The following SLC1A1 variants were observed in gnomAD, a reference collection of about 807,000 sequenced individuals.
SLC1A1 encodes excitatory amino acid transporter 3.
SLC1A1 carries 43 observed loss-of-function variants against 53.3 expected under a neutral mutation model. The ratio of observed to expected loss-of-function variants is 0.81; its 90% CI spans 0.63 to 1.04. The LOEUF is 1.04. SLC1A1 is among the 50% of genes least tolerant of loss of function. SLC1A1 has a pLI of 0.00. For synonymous variants in SLC1A1, 307 were observed against 243.2 expected (o/e 1.26, Z -2.44); for missense variants, 748 against 664.9 (o/e 1.12, Z -1.37).
intron 1 of SLC1A1, among the ~76,000 whole-genome samples, chr9:4,515,440 C>G (rs1423710393): frequency 1.3e-5 from 2 of 152,102 alleles, no homozygotes; most frequent in African/African-American, 4.8e-5. Flanking sequence ...GTCTCATGTG[C>G]AGGTATCCAG....
At chr9:4,497,905 G>A (rs1330191511) in intron 1 of SLC1A1, among the ~76,000 whole-genome samples, 1 of 152,140 alleles carries the variant, frequency 6.6e-6, no homozygotes, top group Admixed American at 6.5e-5. Context: ...GAGCAAAGAA[G>A]ATTCTATTCA....
chr9:4,554,225 G>C (rs1818176617), intron 2 of SLC1A1: 1 of 152,204 alleles, frequency 6.6e-6, no homozygotes, highest in South Asian at 2.1e-4. Context: ...CTGCTGCCAA[G>C]GGGCCAGAGC....
chr9:4,500,432 C>G (rs1300698329), intron 1 of SLC1A1, among the ~76,000 whole-genome samples: 1 of 152,120 alleles, frequency 6.6e-6, no homozygotes, highest in Non-Finnish European at 1.5e-5. Flanking sequence ...CTCAGCCTCC[C>G]GGGTAGCTGG....
intron 3 of SLC1A1, among the ~76,000 whole-genome samples, chr9:4,563,910 A>G (rs556178723): frequency 5.3e-5 from 8 of 151,522 alleles, no homozygotes; most frequent in South Asian, 4.1e-4. Flanking sequence ...CCTCAGGAGA[A>G]TAACCAGCAT....
At chr9:4,546,108 G>A (rs994946170) in intron 2 of SLC1A1, among the ~76,000 whole-genome samples, 1 of 152,204 alleles carries the variant, frequency 6.6e-6, no homozygotes, top group African/African-American at 2.4e-5. Flanking sequence ...GGACTGCATT[G>A]CTTGAAGAGC....
At chr9:4,507,566 A>G (rs1042426940) in intron 1 of SLC1A1, among the ~76,000 whole-genome samples, 2 of 152,228 alleles carry the variant, frequency 1.3e-5, no homozygotes, top group Non-Finnish European at 2.9e-5. Context: ...CAACTCCACA[A>G]ATGTTAAGAG....
intron 1 of SLC1A1, among the ~76,000 whole-genome samples, chr9:4,528,753 C>T (rs766178146): frequency 4.6e-5 from 7 of 152,014 alleles, no homozygotes; most frequent in African/African-American, 1.2e-4. Flanking sequence ...GTCTACATTC[C>T]GAGTTGGCTG....
At chr9:4,560,888 C>T (rs1443053232) in intron 2 of SLC1A1, among the ~76,000 whole-genome samples, 1 of 151,976 alleles carries the variant, frequency 6.6e-6, no homozygotes, top group Non-Finnish European at 1.5e-5. Flanking sequence ...CCCAGCTACT[C>T]GGGAAGCTGA....
intron 1 of SLC1A1, among the ~76,000 whole-genome samples, chr9:4,519,353 T>C (rs1370020508): frequency 6.6e-6 from 1 of 152,240 alleles, no homozygotes; most frequent in Non-Finnish European, 1.5e-5. Context: ...CCCAACATTC[T>C]CGAGATACCC....
intron 1 of SLC1A1, among the ~76,000 whole-genome samples, chr9:4,498,255 A>G (rs1395957637): frequency 1.3e-5 from 2 of 152,226 alleles, no homozygotes; most frequent in African/African-American, 4.8e-5. Context: ...TGAACTGCTG[A>G]TCAGTGACAT....
At position 4,543,937 on chromosome 9, in the gene SLC1A1, C is replaced by T. The variant is rs940460472; in HGVS notation, c.92-630C>T. On this transcript the variant is annotated intron_variant, in intron 1 of 11. Transcript: ENST00000262352. ...TTCACACCTGTAATCCCAGCACTTT[C>T]GGAAGTCGAGGTGGGCAGATCACTT... Among the ~76,000 whole-genome samples, 9 of 152,102 alleles carry T rather than the reference C, an allele frequency of 5.9e-5. 1 individual carries two copies. The South Asian group carries it at 8.3e-4, about 14-fold the overall frequency.
intron 1 of SLC1A1, among the ~76,000 whole-genome samples, chr9:4,527,816 G>T (rs1488204148): frequency 6.6e-6 from 1 of 152,012 alleles, no homozygotes; most frequent in Non-Finnish European, 1.5e-5. Context: ...CTGGGTATCT[G>T]TCATGGCAAA....
At chr9:4,558,268 T>C (rs1192825417) in intron 2 of SLC1A1, among the ~76,000 whole-genome samples, 4 of 152,316 alleles carry the variant, frequency 2.6e-5, no homozygotes, top group Non-Finnish European at 5.9e-5. Flanking sequence ...TCCAACAGCC[T>C]GGACTTGGGG....
intron 1 of SLC1A1, among the ~76,000 whole-genome samples, chr9:4,516,442 T>C (rs1300754171): frequency 1.3e-5 from 2 of 152,220 alleles, no homozygotes; most frequent in Admixed American, 6.5e-5. Context: ...TGATTCATAC[T>C]CCCTTTTACC....
At chr9:4,544,281 G>C (rs756668888) in intron 1 of SLC1A1, among the ~76,000 whole-genome samples, 1 of 152,114 alleles carries the variant, frequency 6.6e-6, no homozygotes, top group African/African-American at 2.4e-5. Flanking sequence ...TTTTCTCACA[G>C]TATTCTTTGA....
chr9:4,498,871 G>A (rs1050002436), intron 1 of SLC1A1, among the ~76,000 whole-genome samples: 1 of 147,596 alleles, frequency 6.8e-6, no homozygotes, highest in Admixed American at 6.9e-5. Flanking sequence ...CTAAAATACT[G>A]AGAGATATGT....
chr9:4,508,924 G>A (rs960049675), intron 1 of SLC1A1, among the ~76,000 whole-genome samples: 1 of 152,110 alleles, frequency 6.6e-6, no homozygotes, highest in Non-Finnish European at 1.5e-5. Context: ...TCTGCCTTGG[G>A]AGCTTGAGAT....
chr9:4,499,004 A>G, intron 1 of SLC1A1, among the ~76,000 whole-genome samples: 1 of 143,792 alleles, frequency 7.0e-6, no homozygotes, highest in South Asian at 2.1e-4. Flanking sequence ...ATAAGATTAT[A>G]TATTATATAT....
At position 4,573,978 on chromosome 9, in the gene SLC1A1, G is replaced by A. The variant is rs764683317; in HGVS notation, c.839G>A (p.Arg280His). The change falls in exon 8 of 12, where the codon CGC (arginine) becomes CAC (histidine). Residue 280 changes from arginine (R) to histidine (H), a missense_variant. Arg to His is a conservative substitution (Grantham distance 29). Coordinates refer to ENST00000262352, the MANE Select transcript of SLC1A1 (RefSeq NM_004170.6). ...IIEVEDWEIF[R>H]KLGLYMATVL... ...GAAGTTGAAGACTGGGAAATATTCC[G>A]CAAGCTGGGCCTTTACATGGCCACA... 1.5e-5 allele frequency: 25 copies of A among 1,613,490 alleles called. No individual in the cohort carries two copies. The highest frequency in any genetic ancestry group is 3.3e-4 in the Middle Eastern group (2 of 6,082).
Sources: allele counts gnomAD v4.1 joint callset (sites outside exome capture counted in the v4.1 genomes callset), GRCh38; gene constraint gnomAD v4.1.1; transcripts MANE v1.5; gene names NCBI Gene and HGNC (gene_info 2026-07-23, HGNC 2026-07-21).